TRIM16: variants seen among roughly 807,000 people sequenced by gnomAD.
TRIM16 encodes the protein tripartite motif-containing protein 16.
Under a neutral mutation model 50.4 loss-of-function variants are expected in TRIM16, and 33 were observed. The observed-to-expected ratio is 0.65, with a 90% CI of 0.50 to 0.88. TRIM16 has a LOEUF of 0.88. Ranked by LOEUF, TRIM16 falls within the 40% of genes least tolerant of loss-of-function variation. The pLI is 0.00. For missense variants in TRIM16, 581 were observed against 686.8 expected (o/e 0.85, Z 1.72); for synonymous variants, 229 against 270.7 (o/e 0.85, Z 1.51).
chr17:15,631,498 A>G (rs1986415438), intron 11 of TRIM16, 121 bp downstream of exon 11: 2 of 862,270 alleles, frequency 2.3e-6, no homozygotes, highest in Admixed American at 3.2e-5. Context: ...GAAATGTATC[A>G]TTTAGAGATA....
Position 15,632,383 on chromosome 17 carries a change from A to G in TRIM16, c.1015+126T>C, listed in dbSNP as rs748218768. The G allele has an allele frequency of 2.5e-4, 346 of 1,392,620 alleles. No homozygotes were observed. In the Middle Eastern group the frequency reaches 3.7e-3, roughly 15 times the overall value. The allele number at this position is 1,392,620 out of a possible 1,614,324, so 86.3% of individuals were successfully genotyped here. ...CAGAGCAAGACTGTCTCACAGAAAA[A>G]GAAAAAAAAAAGAAAATGAAACATT... is the stretch of plus-strand genomic sequence containing the variant. On this transcript the variant is annotated intron_variant, in intron 10 of 11. Transcript: ENST00000649191.
intron 2 of TRIM16, 35 bp from the exon 3 acceptor site, chr17:15,682,986 A>G (rs1191973089): frequency 8.4e-6 from 13 of 1,549,782 alleles, no homozygotes; most frequent in African/African-American, 1.4e-5. Flanking sequence ...TTGTGTGTGC[A>G]TACTGCAGAT....
At chr17:15,654,424 G>A (rs1319524295) in intron 6 of TRIM16, 3 of 152,158 alleles carry the variant, frequency 2.0e-5, no homozygotes, top group African/African-American at 7.2e-5. Flanking sequence ...GCTGCCTCAG[G>A]TCCAGTTCTA....
At chr17:15,652,450 C>T (rs993072319) in intron 6 of TRIM16, among the ~76,000 whole-genome samples, 3 of 139,020 alleles carry the variant, frequency 2.2e-5, no homozygotes, top group African/African-American at 5.5e-5. Context: ...AGCCACGGTG[C>T]CCACCTTTTT....
At chr17:15,636,011 G>A in intron 9 of TRIM16, 25 bp downstream of exon 9, 2 of 1,609,974 alleles carry the variant, frequency 1.2e-6, no homozygotes, top group Non-Finnish European at 8.5e-7. Context: ...GCTGTGGGAT[G>A]CCTCTGCCCC....
At chr17:15,639,285 A>G (rs9907205) in intron 8 of TRIM16, among the ~76,000 whole-genome samples, 5,425 of 145,840 alleles carry the variant, frequency 0.037, 417 homozygotes, top group African/African-American at 0.13. Flanking sequence ...GCCTCAAGCA[A>G]TCTGCCGTCC....
intron 6 of TRIM16, among the ~76,000 whole-genome samples, chr17:15,655,675 T>C (rs1050972202): frequency 6.6e-5 from 10 of 151,912 alleles, no homozygotes; most frequent in South Asian, 2.1e-4. Flanking sequence ...CCCGGGTTCA[T>C]GCCATTCTCC....
chr17:15,632,900 G>A, intron 9 of TRIM16: 1 of 502,086 alleles, frequency 2.0e-6, no homozygotes, highest in Non-Finnish European at 3.3e-6. Flanking sequence ...AAACAAGTGA[G>A]AACATGGGAT....
chr17:15,640,254 G>A (rs1016505277), intron 8 of TRIM16, among the ~76,000 whole-genome samples: 7 of 147,848 alleles, frequency 4.7e-5, no homozygotes, highest in Non-Finnish European at 4.5e-5. Flanking sequence ...CTCCCTCTGG[G>A]CCCTGGCACA....
rs557250244 is a variant in TRIM16, at chr17:15,667,860, C to T, written c.-338+9316G>A. Among the ~76,000 whole-genome samples, 69 of 152,204 alleles carry T rather than the reference C, an allele frequency of 4.5e-4. 1 individual carries two copies. Among genetic ancestry groups the T allele is most frequent in the African/African-American group, 1.6e-3 (67 of 41,534 alleles). On this transcript the variant is annotated intron_variant, in intron 6 of 11. Coordinates refer to ENST00000649191, the MANE Select transcript of TRIM16 (RefSeq NM_001348119.1). The stretch of plus-strand genomic sequence containing the variant: ...TGAACTAATATTGATACATTATTAA[C>T]TGACGTCCATACTTACTCAGATTTT...
intron 6 of TRIM16, among the ~76,000 whole-genome samples, chr17:15,655,610 T>G (rs1944990500): frequency 6.6e-6 from 1 of 152,044 alleles, no homozygotes; most frequent in Admixed American, 6.5e-5. Context: ...AGTATCGCTC[T>G]GTCGCCCAGG....
chr17:15,665,672 T>C (rs1322187952), intron 6 of TRIM16, among the ~76,000 whole-genome samples: 1 of 151,884 alleles, frequency 6.6e-6, no homozygotes, highest in Non-Finnish European at 1.5e-5. Context: ...TTCCTCTGCC[T>C]GAAAAGGTGA....
chr17:15,654,701 T>C (rs2150922096), intron 6 of TRIM16, among the ~76,000 whole-genome samples: 1 of 152,306 alleles, frequency 6.6e-6, no homozygotes, highest in East Asian at 1.9e-4. Context: ...AATGATGTAA[T>C]GCATGTCTTA....
chr17:15,661,114 C>T (rs979577999), intron 6 of TRIM16, among the ~76,000 whole-genome samples: 13 of 152,166 alleles, frequency 8.5e-5, no homozygotes, highest in Admixed American at 6.5e-5. Flanking sequence ...CTGATCCCAG[C>T]ACCTTTTAGC....
intron 6 of TRIM16, chr17:15,658,926 T>C: frequency 1.1e-6 from 1 of 922,956 alleles, no homozygotes; most frequent in Non-Finnish European, 1.3e-6. Context: ...TAATTACCAC[T>C]AACAAAGGAA....
intron 6 of TRIM16, among the ~76,000 whole-genome samples, chr17:15,669,923 A>G (rs989514571): frequency 2.0e-5 from 3 of 152,202 alleles, no homozygotes; most frequent in African/African-American, 7.2e-5. Flanking sequence ...TGTGACAACC[A>G]AAACTCTCTC....
Position 15,636,264 on chromosome 17 carries a change from C to T in TRIM16, c.621G>A (p.Ser207=), listed in dbSNP as rs149055881. Residue 207 remains serine (S), a synonymous_variant, in exon 9 of 12, where the codon TCG becomes TCA. Coordinates refer to ENST00000649191, the MANE Select transcript of TRIM16 (RefSeq NM_001348119.1). ...LQANQKSVLV[S]VSEVKAVAEM... Reference sequence around the variant, plus strand: ...CAGCCACCGCTTTGACCTCTGACACCGACACCTGGCAGGGGGTGGGGGTGG... The same window carrying T: ...CAGCCACCGCTTTGACCTCTGACACTGACACCTGGCAGGGGGTGGGGGTGG... 1.5e-4 allele frequency: 235 copies of T among 1,608,428 alleles called. 8 individuals are homozygous for T. The highest frequency in any genetic ancestry group is 3.3e-4 in the Middle Eastern group (2 of 6,046).
chr17:15,681,273 C>T (rs1989171346), intron 3 of TRIM16: 2 of 185,478 alleles, frequency 1.1e-5, no homozygotes, highest in Non-Finnish European at 1.1e-5. Context: ...TGCTTAAAGA[C>T]CTCCAGGCTC....
chr17:15,635,516 CCTCT>C (rs1052024438), intron 9 of TRIM16, among the ~76,000 whole-genome samples: 41 of 142,202 alleles, frequency 2.9e-4, no homozygotes, highest in African/African-American at 1.1e-3. Flanking sequence ...CAGCCACAGC[CCTCT>C]CTGAAAAGCA....
Sources: gnomAD v4.1 joint callset for allele counts (sites outside exome capture counted in the v4.1 genomes callset) on GRCh38, gnomAD v4.1.1 for gene constraint, MANE v1.5 for transcripts, NCBI Gene and HGNC (gene_info 2026-07-23, HGNC 2026-07-21) for gene names.